NFASC: variants seen among roughly 807,000 people sequenced by gnomAD.
NFASC encodes the protein neurofascin.
A neutral mutation model predicts 147.5 loss-of-function variants in NFASC; 43 were observed. The observed-to-expected ratio is 0.29, with a 90% CI of 0.23 to 0.38. The LOEUF (loss-of-function observed/expected upper bound fraction) is 0.38. NFASC is among the 10% of genes least tolerant of loss of function. NFASC has a pLI of 1.00. For missense variants in NFASC, 1,320 were observed against 1,689.0 expected, an observed-to-expected ratio of 0.78 and a Z score of 3.83; for synonymous variants, 622 against 665.5, an observed-to-expected ratio of 0.93 and a Z score of 1.01.
intron 1 of NFASC, among the ~76,000 whole-genome samples, chr1:204,846,550 C>G (rs145018814): frequency 1.3e-3 from 193 of 152,210 alleles, no homozygotes; most frequent in African/African-American, 4.4e-3. Flanking sequence ...CTCTGTGACC[C>G]AGGTCTCAGC....
rs540093367 is a variant in NFASC at position 204,856,074 on chromosome 1, C to T, written c.-200+27292C>T. Among the ~76,000 whole-genome samples the T allele has an allele frequency of 8.1e-4, 123 of 152,196 alleles. 1 individual carries two copies. The highest frequency in any genetic ancestry group is 2.7e-3 in the African/African-American group (112 of 41,542). On this transcript the variant is annotated intron_variant, in intron 1 of 29. Coordinates refer to ENST00000339876, the MANE Select transcript of NFASC (RefSeq NM_001005388.3). ...TGCTCTTGGTGACACCGCCAGTCCA[C>T]GGCTAGGGCCTTTTGACTCATAATT... is the stretch of plus-strand genomic sequence containing the variant.
At chr1:204,832,610 A>T (rs1571816331) in intron 1 of NFASC, among the ~76,000 whole-genome samples, 2 of 152,186 alleles carry the variant, frequency 1.3e-5, no homozygotes, top group African/African-American at 4.8e-5. Context: ...TGTCAGTTTC[A>T]TCTGTCTGAG....
chr1:204,893,740 G>A (rs2082840160), intron 1 of NFASC, among the ~76,000 whole-genome samples: 1 of 152,170 alleles, frequency 6.6e-6, no homozygotes, highest in African/African-American at 2.4e-5. Flanking sequence ...GGGCTGCTCT[G>A]GCAGTTTTAG....
At chr1:204,933,057 C>A (rs745961804) in intron 2 of NFASC, among the ~76,000 whole-genome samples, 14 of 152,082 alleles carry the variant, frequency 9.2e-5, no homozygotes, top group Non-Finnish European at 2.9e-5. Flanking sequence ...GTTGGAGAGA[C>A]CTGCAGGAGC....
chr1:204,877,025 T>TAA, intron 1 of NFASC, among the ~76,000 whole-genome samples: 1 of 101,476 alleles, frequency 9.9e-6, no homozygotes, highest in Non-Finnish European at 1.8e-5. Context: ...TATATATATA[T>TAA]ATAATATATA....
intron 3 of NFASC, among the ~76,000 whole-genome samples, chr1:204,949,202 T>A (rs929293403): frequency 2.0e-5 from 3 of 152,254 alleles, no homozygotes; most frequent in African/African-American, 7.2e-5. Flanking sequence ...ATGCATAGCA[T>A]GTACGGCAGG....
intron 1 of NFASC, among the ~76,000 whole-genome samples, chr1:204,836,521 G>A (rs1673848861): frequency 1.3e-5 from 2 of 152,140 alleles, no homozygotes; most frequent in Admixed American, 6.6e-5. Flanking sequence ...TATGCTTCTT[G>A]TTACTTTTCC....
At chr1:204,847,800 C>A (rs1172754930) in intron 1 of NFASC, among the ~76,000 whole-genome samples, 2 of 152,128 alleles carry the variant, frequency 1.3e-5, no homozygotes, top group African/African-American at 2.4e-5. Flanking sequence ...TATTTTACTT[C>A]TTTTCCCATG....
chr1:204,876,869 GT>G (rs1458842775), intron 1 of NFASC, among the ~76,000 whole-genome samples: 1 of 150,916 alleles, frequency 6.6e-6, no homozygotes, highest in Non-Finnish European at 1.5e-5. Context: ...GGAGAGCTTT[GT>G]TTTTTATAAA....
intron 2 of NFASC, among the ~76,000 whole-genome samples, chr1:204,924,164 C>G (rs998012539): frequency 3.3e-5 from 5 of 152,172 alleles, no homozygotes; most frequent in South Asian, 2.1e-4. Context: ...GCTGCCTCCC[C>G]CTTTTTGCTC....
At chr1:204,849,071 G>C (rs2075430675) in intron 1 of NFASC, among the ~76,000 whole-genome samples, 1 of 152,186 alleles carries the variant, frequency 6.6e-6, no homozygotes, top group African/African-American at 2.4e-5. Context: ...TTAATAGATT[G>C]GTGTCTACCT....
intron 27 of NFASC, among the ~76,000 whole-genome samples, chr1:205,006,535 G>A (rs929006633): frequency 3.9e-5 from 6 of 152,154 alleles, no homozygotes; most frequent in Admixed American, 6.5e-5. Flanking sequence ...CAGGATGCAC[G>A]GAAAGGAGAC....
At chr1:204,840,731 T>C (rs1675105172) in intron 1 of NFASC, among the ~76,000 whole-genome samples, 2 of 152,212 alleles carry the variant, frequency 1.3e-5, no homozygotes, top group Non-Finnish European at 2.9e-5. Context: ...ACTCTTGGAA[T>C]AGTGACTCTA....
intron 1 of NFASC, among the ~76,000 whole-genome samples, chr1:204,907,650 C>A (rs1328200045): frequency 6.6e-6 from 1 of 152,190 alleles, no homozygotes; most frequent in African/African-American, 2.4e-5. Context: ...TTTGAACTTT[C>A]CAGAGAGAAT....
chr1:204,903,359 C>T (rs76529943), intron 1 of NFASC, among the ~76,000 whole-genome samples: 13,170 of 152,176 alleles, frequency 0.087, 776 homozygotes, highest in Non-Finnish European at 0.13. Flanking sequence ...CTCTTTTGAA[C>T]GATGACCTCC....
At chr1:204,973,657 T>C (rs1339851214) in intron 12 of NFASC, among the ~76,000 whole-genome samples, 1 of 152,158 alleles carries the variant, frequency 6.6e-6, no homozygotes, top group East Asian at 1.9e-4. Context: ...ATTGTACAGA[T>C]GGAAGACTTA....
At chr1:204,940,654 T>C (rs2093301639) in intron 2 of NFASC, among the ~76,000 whole-genome samples, 1 of 152,262 alleles carries the variant, frequency 6.6e-6, no homozygotes, top group Admixed American at 6.5e-5. Context: ...TGTATGTATC[T>C]ATTCTACAGA....
rs191944324 is a variant in NFASC, at chr1:204,839,789, G to A, written c.-200+11007G>A. Among the ~76,000 whole-genome samples the A allele has an allele frequency of 5.6e-3, 855 of 152,316 alleles. 7 individuals carry two copies. Among genetic ancestry groups the A allele is most frequent in the Non-Finnish European group, 8.3e-3 (567 of 68,028 alleles). ...AAATGGTGACAGAGCCTTGCTCTTAGACTTCCTTTTAGTCACAGAAGAGAT... is the reference window on the plus strand; with the variant it reads ...AAATGGTGACAGAGCCTTGCTCTTAAACTTCCTTTTAGTCACAGAAGAGAT... On this transcript the variant is annotated intron_variant, in intron 1 of 29. Coordinates refer to ENST00000339876, the MANE Select transcript of NFASC (RefSeq NM_001005388.3).
chr1:204,877,132 AAAT>A (rs1034162733), intron 1 of NFASC, among the ~76,000 whole-genome samples: 9 of 143,124 alleles, frequency 6.3e-5, no homozygotes, highest in Non-Finnish European at 1.2e-4. Context: ...TTAAAATATT[AAAT>A]AATATATAAA....
Sources: allele counts gnomAD v4.1 joint callset (sites outside exome capture counted in the v4.1 genomes callset), GRCh38; gene constraint gnomAD v4.1.1; transcripts MANE v1.5; gene names NCBI Gene and HGNC (gene_info 2026-07-23, HGNC 2026-07-21).